Variants in GREB1L observed in about 807,000 individuals in gnomAD.
The protein encoded by GREB1L is GREB1 like retinoic acid receptor coactivator.
In GREB1L, 17 loss-of-function variants were observed where a neutral mutation model predicts 200.8. The ratio of observed to expected loss-of-function variants is 0.08; its 90% CI spans 0.06 to 0.13. The LOEUF (loss-of-function observed/expected upper bound fraction) is 0.13, where lower values mean the gene tolerates loss of function less well. GREB1L is among the 10% of genes least tolerant of loss of function. The pLI is 1.00. For missense variants in GREB1L, 1,657 were observed against 2,367.7 expected (o/e 0.70, Z 6.23); for synonymous variants, 789 against 893.0 (o/e 0.88, Z 2.08).
At chr18:21,311,097 T>C (rs1203843956) in intron 1 of GREB1L, among the ~76,000 whole-genome samples, 1 of 152,074 alleles carries the variant, frequency 6.6e-6, no homozygotes, top group African/African-American at 2.4e-5. Context: ...TAAACTACTT[T>C]AACACTTGGT....
At chr18:21,379,033 C>A (rs767872663) in intron 2 of GREB1L, among the ~76,000 whole-genome samples, 1 of 151,954 alleles carries the variant, frequency 6.6e-6, no homozygotes, top group African/African-American at 2.4e-5. Context: ...CCAGGCCCAG[C>A]CTGATTTAAT....
intron 21 of GREB1L, among the ~76,000 whole-genome samples, chr18:21,498,461 T>A (rs778240120): frequency 6.6e-6 from 1 of 152,078 alleles, no homozygotes; most frequent in Non-Finnish European, 1.5e-5. Context: ...TGAAGGATAG[T>A]AAAGGTTCAC....
chr18:21,502,335 G>A (rs2036832032), intron 23 of GREB1L, among the ~76,000 whole-genome samples: 2 of 152,068 alleles, frequency 1.3e-5, no homozygotes, highest in Admixed American at 6.5e-5. Flanking sequence ...TGCTGGCAGG[G>A]AACTGTGGGG....
intron 7 of GREB1L, among the ~76,000 whole-genome samples, chr18:21,408,794 CAAAA>C (rs58262799): frequency 2.7e-5 from 2 of 73,612 alleles, no homozygotes; most frequent in African/African-American, 1.1e-4. Flanking sequence ...AATTCCATCT[CAAAA>C]AAAAAAAAAA....
chr18:21,313,315 G>C (rs1390036366), intron 1 of GREB1L, among the ~76,000 whole-genome samples: 6 of 152,054 alleles, frequency 3.9e-5, no homozygotes, highest in Admixed American at 6.6e-5. Context: ...AGTCCATTTT[G>C]GGTGCTTTAA....
rs1200541460 is a variant in GREB1L, at chr18:21,473,209, G to A, written c.2361G>A (p.Thr787=). 23 of 1,520,142 alleles carry A rather than the reference G, an allele frequency of 1.5e-5. No homozygotes were observed. The East Asian group carries it at 1.8e-4, about 12-fold the overall frequency. The allele number at this position is 1,520,142 out of a possible 1,614,324, so 94.2% of individuals were successfully genotyped here. The change falls in exon 16 of 33, where the codon ACG becomes ACA. Residue 787 remains threonine, a splice_region_variant and synonymous_variant. Coordinates refer to ENST00000424526, the MANE Select transcript of GREB1L (RefSeq NM_001142966.3). The stretch of plus-strand genomic sequence containing the variant: ...ATGACAACTCCCATGTGGAACTAAC[G>A]AGGTGATTGGTTCAGAGTGAGCAAA... ...LVHDNSHVEL[T]SVISGSLSHS...
intron 1 of GREB1L, among the ~76,000 whole-genome samples, chr18:21,307,408 T>A (rs1187078154): frequency 6.6e-6 from 1 of 152,228 alleles, no homozygotes; most frequent in Non-Finnish European, 1.5e-5. Context: ...TTAATTGGGA[T>A]CTGATTTTTG....
chr18:21,289,433 G>C (rs564388892), intron 1 of GREB1L, among the ~76,000 whole-genome samples: 1 of 152,066 alleles, frequency 6.6e-6, no homozygotes, highest in South Asian at 2.1e-4. Flanking sequence ...CAGCTACTTG[G>C]GAGGCTGAGG....
At chr18:21,453,684 A>G (rs1376997357) in intron 14 of GREB1L, among the ~76,000 whole-genome samples, 2 of 152,158 alleles carry the variant, frequency 1.3e-5, no homozygotes, top group Non-Finnish European at 2.9e-5. Flanking sequence ...CTATGTCATG[A>G]GTCAGGTGTC....
chr18:21,343,572 A>G (rs1490108439), intron 1 of GREB1L, among the ~76,000 whole-genome samples: 1 of 152,120 alleles, frequency 6.6e-6, no homozygotes, highest in Non-Finnish European at 1.5e-5. Context: ...AATGAGGATC[A>G]AGAGACCCAG....
chr18:21,453,465 CCTGATAATAACCAGTG>C (rs2034620082), intron 14 of GREB1L, among the ~76,000 whole-genome samples: 1 of 152,182 alleles, frequency 6.6e-6, no homozygotes, highest in African/African-American at 2.4e-5. Context: ...CACATGTGTT[CCTGATAATAACCAGTG>C]CTTTAAAGAA....
At chr18:21,513,798 GA>G in intron 27 of GREB1L, 22 bp from the exon 28 acceptor site, 1 of 1,548,386 alleles carries the variant, frequency 6.5e-7, no homozygotes, top group South Asian at 1.2e-5. Context: ...TGGATATGCA[GA>G]TGTGGTTATG....
chr18:21,469,977 T>C (rs2035415850), intron 15 of GREB1L, among the ~76,000 whole-genome samples: 1 of 152,178 alleles, frequency 6.6e-6, no homozygotes, highest in African/African-American at 2.4e-5. Context: ...TAAAAACATT[T>C]TTTCAAGTAA....
intron 17 of GREB1L, among the ~76,000 whole-genome samples, chr18:21,478,802 T>A (rs1306065683): frequency 6.6e-6 from 1 of 152,204 alleles, no homozygotes. Context: ...GGGGAGCCTG[T>A]GGGCTACCCA....
At chr18:21,263,958 G>A (rs1414451644) in intron 1 of GREB1L, among the ~76,000 whole-genome samples, 1 of 152,116 alleles carries the variant, frequency 6.6e-6, no homozygotes, top group Non-Finnish European at 1.5e-5. Context: ...AAGATTGTTG[G>A]CAGATTTTGT....
chr18:21,276,235 G>A (rs1260262176), intron 1 of GREB1L, among the ~76,000 whole-genome samples: 2 of 152,066 alleles, frequency 1.3e-5, no homozygotes, highest in African/African-American at 2.4e-5. Flanking sequence ...CACCTCTTCC[G>A]TGGTAAACCA....
chr18:21,383,068 C>T (rs1304330537), intron 2 of GREB1L, among the ~76,000 whole-genome samples: 1 of 151,962 alleles, frequency 6.6e-6, no homozygotes, highest in African/African-American at 2.4e-5. Flanking sequence ...GAGCCTTTTT[C>T]CCCCATCTAG....
chr18:21,493,602 C>T (rs1218129198), intron 19 of GREB1L, among the ~76,000 whole-genome samples: 1 of 152,146 alleles, frequency 6.6e-6, no homozygotes, highest in Non-Finnish European at 1.5e-5. Context: ...TGCAGTGGCT[C>T]ACGCCTATAA....
chr18:21,408,388 CTGAAATATGGGCAAA>C (rs1169926797), intron 7 of GREB1L, among the ~76,000 whole-genome samples: 2 of 152,122 alleles, frequency 1.3e-5, no homozygotes, highest in Non-Finnish European at 2.9e-5. Flanking sequence ...GACAGTCCAA[CTGAAATATGGGCAAA>C]GGATTTGGAA....
Sources: allele counts gnomAD v4.1 joint callset (sites outside exome capture counted in the v4.1 genomes callset), GRCh38; gene constraint gnomAD v4.1.1; transcripts MANE v1.5; gene names NCBI Gene and HGNC (gene_info 2026-07-23, HGNC 2026-07-21).